The following SLC67A1 variants were observed in gnomAD, a reference collection of about 807,000 sequenced individuals.
SLC67A1 encodes solute carrier family 67 member A1.
chr11:2,899,731 A>T, the SLC67A1 span: 6 of 1,446,938 alleles, frequency 4.1e-6, no homozygotes, highest in African/African-American at 8.6e-5. Context: ...GACAAAAAAA[A>T]AGGTCTCTCC....
At chr11:2,916,623 AT>A in the SLC67A1 span, 2 of 1,611,216 alleles carry the variant, frequency 1.2e-6, no homozygotes, top group Non-Finnish European at 1.7e-6. Flanking sequence ...TGCCCGCAGG[AT>A]TCAGTGCCCG....
chr11:2,919,233 C>A, the SLC67A1 span: 8 of 1,079,788 alleles, frequency 7.4e-6, no homozygotes, highest in Non-Finnish European at 1.1e-5. Context: ...GGCCAGGCTG[C>A]TGAGGCGGGA....
At chr11:2,900,671 T>C in the SLC67A1 span, among the ~76,000 whole-genome samples, 186 of 111,468 alleles carry the variant, frequency 1.7e-3, no homozygotes, top group Non-Finnish European at 2.3e-3. Flanking sequence ...TCAGCCTGGG[T>C]GACAGAGCAA....
At chr11:2,902,883 G>A in the SLC67A1 span, among the ~76,000 whole-genome samples, 46 of 152,330 alleles carry the variant, frequency 3.0e-4, no homozygotes, top group East Asian at 8.3e-3. Context: ...CCTACGGAGG[G>A]CCTCCAGGCA....
At chr11:2,904,247 C>T in the SLC67A1 span, among the ~76,000 whole-genome samples, 1 of 152,192 alleles carries the variant, frequency 6.6e-6, no homozygotes, top group Non-Finnish European at 1.5e-5. Context: ...GCCCGGCGTG[C>T]GTGGGCTCAG....
At chr11:2,911,595 T>G in the SLC67A1 span, among the ~76,000 whole-genome samples, 1 of 152,062 alleles carries the variant, frequency 6.6e-6, no homozygotes, top group Non-Finnish European at 1.5e-5. Context: ...CACCCCCAGG[T>G]ACTCTGCCGG....
At chr11:2,910,427 G>A in the SLC67A1 span, among the ~76,000 whole-genome samples, 2 of 152,152 alleles carry the variant, frequency 1.3e-5, no homozygotes, top group African/African-American at 2.4e-5. Flanking sequence ...GGATCACTAG[G>A]GCCTGTCTGA....
At chr11:2,917,818 G>A in the SLC67A1 span, among the ~76,000 whole-genome samples, 1 of 152,224 alleles carries the variant, frequency 6.6e-6, no homozygotes, top group Non-Finnish European at 1.5e-5. Context: ...CCTGGCAGCT[G>A]GGAGCATCAC....
At chr11:2,899,923 C>G in the SLC67A1 span, 1 of 524,694 alleles carries the variant, frequency 1.9e-6, no homozygotes, top group Non-Finnish European at 3.3e-6. Context: ...ATCCTCTAAG[C>G]CCTCCCCAGG....
chr11:2,918,537 C>T, the SLC67A1 span, among the ~76,000 whole-genome samples: 4 of 152,216 alleles, frequency 2.6e-5, no homozygotes. Context: ...GCAGCCCTGT[C>T]CCTCAGAAGC....
chr11:2,909,347 A>T, the SLC67A1 span: 1 of 1,481,446 alleles, frequency 6.8e-7, no homozygotes, highest in Non-Finnish European at 8.9e-7. Flanking sequence ...GCTCATGCAC[A>T]CGCTGCCAGG....
At chr11:2,916,406 TC>T in the SLC67A1 span, 1 of 498,042 alleles carries the variant, frequency 2.0e-6, no homozygotes, top group African/African-American at 2.0e-5. Flanking sequence ...GTGGCGAGGG[TC>T]AGGGATGGTG....
the SLC67A1 span, chr11:2,903,306 C>T: frequency 1.3e-6 from 2 of 1,598,032 alleles, no homozygotes. Flanking sequence ...CAGCCTCCTG[C>T]TTGGATCTCT....
At chr11:2,910,929 G>A in the SLC67A1 span, among the ~76,000 whole-genome samples, 3 of 152,190 alleles carry the variant, frequency 2.0e-5, no homozygotes, top group Non-Finnish European at 4.4e-5. Flanking sequence ...GGGAGAAATG[G>A]GGTGCATCTT....
At chr11:2,902,705 C>G in the SLC67A1 span, 1 of 985,568 alleles carries the variant, frequency 1.0e-6, no homozygotes, top group Non-Finnish European at 1.2e-6. Context: ...ACAGACAGCA[C>G]TCCGCTGTGG....
chr11:2,910,045 C>A, the SLC67A1 span, among the ~76,000 whole-genome samples: 1 of 152,158 alleles, frequency 6.6e-6, no homozygotes, highest in Non-Finnish European at 1.5e-5. Context: ...GACAGGAGCA[C>A]CCTGGGACTG....
the SLC67A1 span, chr11:2,916,050 G>C: frequency 6.6e-6 from 1 of 152,312 alleles, no homozygotes; most frequent in Non-Finnish European, 1.5e-5. Flanking sequence ...GCAAGGCTCT[G>C]GGATCCCAGC....
the SLC67A1 span, chr11:2,899,952 G>T: frequency 4.1e-6 from 2 of 484,830 alleles, no homozygotes; most frequent in Non-Finnish European, 3.7e-6. Context: ...GAGGCGTCTG[G>T]AACCTGTTGG....
the SLC67A1 span, chr11:2,917,012 C>CAGGGAAGGCGTTAGGAGGGGAGGCCT: frequency 2.5e-4 from 122 of 492,818 alleles, no homozygotes; most frequent in Middle Eastern, 1.1e-3. Flanking sequence ...AGGGGAGGCC[C>CAGGGAAGGCGTTAGGAGGGGAGGCCT]AGACAGGGAA....
Sources: gnomAD v4.1 joint callset for allele counts (sites outside exome capture counted in the v4.1 genomes callset) on GRCh38, gnomAD v4.1.1 for gene constraint, MANE v1.5 for transcripts, NCBI Gene and HGNC (gene_info 2026-07-23, HGNC 2026-07-21) for gene names.